ROBO1: variants seen among roughly 807,000 people sequenced by gnomAD.
The protein encoded by ROBO1 is roundabout guidance receptor 1.
ROBO1 carries 149 observed loss-of-function variants against 195.9 expected under a neutral mutation model. The observed-to-expected ratio is 0.76, with a 90% CI of 0.67 to 0.87. The LOEUF (loss-of-function observed/expected upper bound fraction) is 0.87, where lower values mean the gene tolerates loss of function less well. Ranked by LOEUF, ROBO1 falls within the 40% of genes least tolerant of loss-of-function variation. ROBO1 has a pLI of 0.00. For synonymous variants in ROBO1, 816 were observed against 733.2 expected (o/e 1.11, Z -1.82); for missense variants, 1,933 against 2,068.3 (o/e 0.93, Z 1.27).
At chr3:79,346,304 T>C (rs2035117943) in intron 2 of ROBO1, among the ~76,000 whole-genome samples, 1 of 152,150 alleles carries the variant, frequency 6.6e-6, no homozygotes, top group Admixed American at 6.6e-5. Flanking sequence ...GTATTTTTCT[T>C]ACCAGAACTA....
intron 4 of ROBO1, among the ~76,000 whole-genome samples, chr3:78,757,158 G>T (rs572672409): frequency 1.3e-5 from 2 of 152,168 alleles, no homozygotes; most frequent in South Asian, 4.2e-4. Context: ...TCCCAAAGTG[G>T]TGCGATTAAA....
chr3:79,679,471 T>C (rs1288277034), intron 1 of ROBO1, among the ~76,000 whole-genome samples: 2 of 152,080 alleles, frequency 1.3e-5, no homozygotes, highest in Non-Finnish European at 2.9e-5. Flanking sequence ...CATTATTTAC[T>C]GTGAGAAGTA....
At chr3:79,610,626 C>A (rs764189932) in intron 1 of ROBO1, among the ~76,000 whole-genome samples, 1 of 151,914 alleles carries the variant, frequency 6.6e-6, no homozygotes, top group Non-Finnish European at 1.5e-5. Flanking sequence ...GTTTAGTTAA[C>A]AACACAGAAG....
chr3:78,679,568 C>T (rs901322093), intron 10 of ROBO1, among the ~76,000 whole-genome samples: 2 of 152,018 alleles, frequency 1.3e-5, no homozygotes, highest in African/African-American at 4.8e-5. Context: ...GAGTGAACTC[C>T]CATTCACAAT....
intron 2 of ROBO1, among the ~76,000 whole-genome samples, chr3:79,406,687 T>C (rs183346884): frequency 2.6e-5 from 4 of 152,094 alleles, no homozygotes; most frequent in Admixed American, 6.6e-5. Context: ...CCTGGAAAGA[T>C]GTTTAGGTTT....
At chr3:79,051,014 C>A (rs1443057410) in intron 3 of ROBO1, among the ~76,000 whole-genome samples, 5 of 152,124 alleles carry the variant, frequency 3.3e-5, no homozygotes, top group Middle Eastern at 3.4e-3. Context: ...GAAGCAAGAG[C>A]AAACAAATTC....
At chr3:79,517,079 C>A (rs1034748531) in intron 2 of ROBO1, among the ~76,000 whole-genome samples, 12 of 152,282 alleles carry the variant, frequency 7.9e-5, no homozygotes, top group African/African-American at 2.6e-4. Context: ...CTGTTGAATT[C>A]TTTCCCTTAG....
At chr3:79,279,265 T>A (rs1000972241) in intron 2 of ROBO1, among the ~76,000 whole-genome samples, 7 of 151,454 alleles carry the variant, frequency 4.6e-5, no homozygotes, top group African/African-American at 1.7e-4. Context: ...ATGCTCTGTC[T>A]AAAAAAAATA....
At chr3:79,609,755 C>T (rs758979247) in intron 1 of ROBO1, among the ~76,000 whole-genome samples, 5 of 151,308 alleles carry the variant, frequency 3.3e-5, no homozygotes, top group South Asian at 2.1e-4. Context: ...GGTCACAAAA[C>T]GACAAATACT....
At chr3:78,902,148 A>C (rs2037629082) in intron 4 of ROBO1, among the ~76,000 whole-genome samples, 1 of 152,164 alleles carries the variant, frequency 6.6e-6, no homozygotes. Context: ...GGGGTAAAAT[A>C]TCTTCTAGGA....
At chr3:78,656,345 ATTTT>A (rs5850382) in intron 18 of ROBO1, among the ~76,000 whole-genome samples, 31 of 88,602 alleles carry the variant, frequency 3.5e-4, no homozygotes, top group South Asian at 1.8e-3. Flanking sequence ...TGCTTATTTG[ATTTT>A]TTTTTTTTTT....
rs189131321 is a variant in ROBO1 at position 78,785,437 on chromosome 3, C to T, written c.500-38537G>A. Reference sequence around the variant, plus strand: ...ATCGCTATCATTTATTATTTTACTGCTTCACTGCTTTCAAAACACTAAACT... The same window carrying T: ...ATCGCTATCATTTATTATTTTACTGTTTCACTGCTTTCAAAACACTAAACT... On this transcript the variant is annotated intron_variant, in intron 4 of 30. Transcript: ENST00000464233. Among the ~76,000 whole-genome samples the T allele has an allele frequency of 2.4e-3, 366 of 152,236 alleles. 2 individuals are homozygous for T. The highest frequency in any genetic ancestry group is 8.0e-3 in the African/African-American group (332 of 41,544).
chr3:78,684,366 T>C (rs530663422), intron 10 of ROBO1, among the ~76,000 whole-genome samples: 2 of 152,248 alleles, frequency 1.3e-5, no homozygotes, highest in South Asian at 2.1e-4. Flanking sequence ...GAAAAGTTAT[T>C]ATCTCTGCTA....
At chr3:78,666,803 C>G (rs1367720378) in intron 14 of ROBO1, among the ~76,000 whole-genome samples, 2 of 152,294 alleles carry the variant, frequency 1.3e-5, no homozygotes, top group African/African-American at 4.8e-5. Flanking sequence ...GCAGACCCCT[C>G]TCCCAAACCA....
At chr3:78,885,998 A>G (rs759262618) in intron 4 of ROBO1, among the ~76,000 whole-genome samples, 4 of 148,328 alleles carry the variant, frequency 2.7e-5, no homozygotes, top group Non-Finnish European at 5.9e-5. Context: ...AATATTACCT[A>G]TACATGAACA....
chr3:79,675,595 A>G (rs1946760537), intron 1 of ROBO1, among the ~76,000 whole-genome samples: 1 of 152,078 alleles, frequency 6.6e-6, no homozygotes, highest in Non-Finnish European at 1.5e-5. Context: ...TGAATAATCT[A>G]TATATGAATA....
chr3:79,224,229 A>G (rs2082188172), intron 2 of ROBO1, among the ~76,000 whole-genome samples: 1 of 152,252 alleles, frequency 6.6e-6, no homozygotes, highest in Non-Finnish European at 1.5e-5. Context: ...AATTATATTC[A>G]AAATTCAGTC....
chr3:78,975,924 A>G (rs915332682), intron 3 of ROBO1, among the ~76,000 whole-genome samples: 7 of 152,174 alleles, frequency 4.6e-5, no homozygotes, highest in African/African-American at 1.7e-4. Context: ...AAAATGCTTT[A>G]CTTGGTTTAA....
intron 3 of ROBO1, among the ~76,000 whole-genome samples, chr3:78,948,923 G>T (rs1405569464): frequency 1.3e-5 from 2 of 151,002 alleles, no homozygotes; most frequent in Non-Finnish European, 2.9e-5. Flanking sequence ...TGCTTCAAAG[G>T]AATAAAATAC....
Sources: allele counts gnomAD v4.1 joint callset (sites outside exome capture counted in the v4.1 genomes callset), GRCh38; gene constraint gnomAD v4.1.1; transcripts MANE v1.5; gene names NCBI Gene and HGNC (gene_info 2026-07-23, HGNC 2026-07-21).